Variants in RGS20 observed in about 807,000 individuals in gnomAD.
RGS20 encodes the protein regulator of G protein signaling 20, also known as gz-selective GTPase-activating protein.
In RGS20, 30 loss-of-function variants were observed where a neutral mutation model predicts 33.6. That is an observed-to-expected ratio of 0.89 (90% CI 0.67 to 1.21). The LOEUF (loss-of-function observed/expected upper bound fraction) is 1.21. RGS20 is among the 50% of genes most tolerant of loss of function. The pLI is 0.00. For synonymous variants in RGS20, 208 were observed against 197.9 expected (o/e 1.05, Z -0.43); for missense variants, 472 against 502.4 (o/e 0.94, Z 0.58).
intron 2 of RGS20, among the ~76,000 whole-genome samples, chr8:53,939,366 C>G (rs1295425395): frequency 1.3e-5 from 2 of 152,216 alleles, no homozygotes; most frequent in African/African-American, 4.8e-5. Context: ...TGGAATGTAT[C>G]TCAATGCTTG....
chr8:53,865,905 C>A (rs1215502750), intron 1 of RGS20, among the ~76,000 whole-genome samples: 2 of 152,200 alleles, frequency 1.3e-5, no homozygotes, highest in African/African-American at 4.8e-5. Flanking sequence ...TTGTGCCTGG[C>A]CAACTGCTTA....
In RGS20 at chr8:53,877,405, G is replaced by T. The variant is rs1178884710; in HGVS notation, c.166-1853G>T. On this transcript the variant is annotated intron_variant, in intron 1 of 5. Transcript: ENST00000297313. This position sits in a 1 kb window ranked among gnomAD's most constrained non-coding sequence, Gnocchi z 5.7. ...CCGCAGGTGCCGCCCAGGACTAGCT[G>T]CCCGGCGGAGGCCGAGCACGCTTGG... Among the ~76,000 whole-genome samples the T allele has an allele frequency of 6.6e-6, 1 of 152,178 alleles. No homozygotes were observed. Among genetic ancestry groups the T allele is most frequent in the East Asian group, 1.9e-4 (1 of 5,172 alleles).
At chr8:53,921,945 A>C (rs1450639456) in intron 2 of RGS20, among the ~76,000 whole-genome samples, 1 of 152,080 alleles carries the variant, frequency 6.6e-6, no homozygotes, top group African/African-American at 2.4e-5. Context: ...GAGAATTTTC[A>C]TGTGTATTTG....
rs796175889 is a variant in RGS20 at position 53,883,247 on chromosome 8, C to G, written c.510+3645C>G. Among the ~76,000 whole-genome samples the G allele has an allele frequency of 2.0e-5, 3 of 151,940 alleles. 1 individual carries two copies. Among genetic ancestry groups the G allele is most frequent in the African/African-American group, 7.2e-5 (3 of 41,426 alleles). On this transcript the variant is annotated intron_variant, in intron 2 of 5. Coordinates refer to ENST00000297313, the MANE Select transcript of RGS20 (RefSeq NM_170587.4). ...TCTCGGCTCACTGCAACCTCCGCCT[C>G]CTGGGTTCAAGAGATTTTCCTGCCT...
At position 53,879,250 on chromosome 8, in the gene RGS20, C is replaced by G; in HGVS notation, c.166-8C>G. 1 of 1,611,340 alleles carries G rather than the reference C, an allele frequency of 6.2e-7. No homozygotes were observed. The highest frequency in any genetic ancestry group is 1.1e-5 in the South Asian group (1 of 91,008). ...TATGCTGGTTTTGTTTCTCTCTCCC[C>G]ACCCCAGTCCTTCCCGCCTGCACAG... On this transcript the variant is annotated splice_region_variant and splice_polypyrimidine_tract_variant and intron_variant, in intron 1 of 5. Transcript: ENST00000297313.
At chr8:53,884,106 A>G (rs1467735726) in intron 2 of RGS20, among the ~76,000 whole-genome samples, 3 of 151,966 alleles carry the variant, frequency 2.0e-5, no homozygotes, top group Non-Finnish European at 2.9e-5. Context: ...TATAAATAAG[A>G]TCAGTAACAG....
intron 3 of RGS20, among the ~76,000 whole-genome samples, chr8:53,940,699 A>G (rs918036630): frequency 6.6e-6 from 1 of 152,218 alleles, no homozygotes; most frequent in African/African-American, 2.4e-5. Context: ...ACATCCACCA[A>G]GGGGATCCCG....
chr8:53,892,533 C>T (rs957006580), intron 2 of RGS20, among the ~76,000 whole-genome samples: 3 of 152,164 alleles, frequency 2.0e-5, no homozygotes, highest in Non-Finnish European at 4.4e-5. Context: ...ACTCTTTATG[C>T]TTCAGATTGC....
At chr8:53,952,856 T>C (rs554806231) in intron 4 of RGS20, among the ~76,000 whole-genome samples, 3 of 152,316 alleles carry the variant, frequency 2.0e-5, no homozygotes, top group Admixed American at 2.0e-4. Context: ...CTGATCTCAA[T>C]ATAATTATGA....
In RGS20 at chr8:53,877,820, C is replaced by A. The variant is rs1014242576; in HGVS notation, c.166-1438C>A. Reference sequence around the variant, plus strand: ...CAAGACAAATCAGCCACCGCACTCGCGGCTTCCCAGAAAGGGCCTCATGAA... The same window carrying A: ...CAAGACAAATCAGCCACCGCACTCGAGGCTTCCCAGAAAGGGCCTCATGAA... On this transcript the variant is annotated intron_variant, in intron 1 of 5. Transcript: ENST00000297313. The surrounding 1 kb of genome is among the most constrained non-coding windows in gnomAD (Gnocchi z 5.7). 1.3e-4 allele frequency among the ~76,000 whole-genome samples: 20 copies of A among 152,248 alleles called. No homozygotes were observed. Among genetic ancestry groups the A allele is most frequent in the African/African-American group, 4.3e-4 (18 of 41,466 alleles).
At chr8:53,868,415 G>A (rs1445550774) in intron 1 of RGS20, among the ~76,000 whole-genome samples, 1 of 152,120 alleles carries the variant, frequency 6.6e-6, no homozygotes, top group Non-Finnish European at 1.5e-5. Flanking sequence ...TGGGTCTGGG[G>A]AGCCAGTTCT....
At chr8:53,940,473 G>A (rs908165149) in intron 3 of RGS20, among the ~76,000 whole-genome samples, 1 of 152,244 alleles carries the variant, frequency 6.6e-6, no homozygotes, top group Non-Finnish European at 1.5e-5. Flanking sequence ...AGGCTTGGCA[G>A]TAAGTTAGAC....
At chr8:53,891,493 T>G (rs1443356087) in intron 2 of RGS20, among the ~76,000 whole-genome samples, 2 of 152,024 alleles carry the variant, frequency 1.3e-5, no homozygotes, top group Admixed American at 1.3e-4. Context: ...TGGTGGCGTG[T>G]GCCTGTAGTC....
chr8:53,871,406 G>A (rs1812063344), intron 1 of RGS20, among the ~76,000 whole-genome samples: 2 of 151,974 alleles, frequency 1.3e-5, no homozygotes, highest in African/African-American at 2.4e-5. Context: ...GCCAGGCACG[G>A]TGGGTTACAC....
chr8:53,913,134 T>G (rs1253737442), intron 2 of RGS20, among the ~76,000 whole-genome samples: 2 of 152,012 alleles, frequency 1.3e-5, no homozygotes, highest in Non-Finnish European at 2.9e-5. Flanking sequence ...CCTGGCTAAT[T>G]TTTGTATTTT....
chr8:53,932,102 G>T (rs997361676), intron 2 of RGS20, among the ~76,000 whole-genome samples: 1 of 152,202 alleles, frequency 6.6e-6, no homozygotes, highest in Non-Finnish European at 1.5e-5. Context: ...CTTCTGGCTT[G>T]TAGGGTTTCT....
chr8:53,925,639 G>T (rs191243379), intron 2 of RGS20, among the ~76,000 whole-genome samples: 86 of 152,304 alleles, frequency 5.6e-4, no homozygotes, highest in African/African-American at 2.1e-3. Flanking sequence ...GGAGGCTGAG[G>T]CAGGAGAATC....
At chr8:53,870,441 T>C (rs1812037206) in intron 1 of RGS20, among the ~76,000 whole-genome samples, 1 of 152,236 alleles carries the variant, frequency 6.6e-6, no homozygotes. Context: ...TTCTGTAAAG[T>C]GCATATGAGA....
intron 1 of RGS20, among the ~76,000 whole-genome samples, chr8:53,859,194 TAAC>T (rs1173857929): frequency 1.3e-5 from 2 of 152,202 alleles, no homozygotes; most frequent in Non-Finnish European, 2.9e-5. Context: ...TAAATTTAAA[TAAC>T]AAACGAACAA....
Sources: gnomAD v4.1 joint callset for allele counts (sites outside exome capture counted in the v4.1 genomes callset) on GRCh38, gnomAD v4.1.1 for gene constraint, Gnocchi (gnomAD v3.1) non-coding constraint, MANE v1.5 for transcripts, NCBI Gene and HGNC (gene_info 2026-07-23, HGNC 2026-07-21) for gene names.